PEX6: variants seen among roughly 807,000 people sequenced by gnomAD.
PEX6 encodes peroxisomal biogenesis factor 6.
In PEX6, 55 loss-of-function variants were observed where a neutral mutation model predicts 85.6. The ratio of observed to expected loss-of-function variants is 0.64; its 90% CI spans 0.52 to 0.80. PEX6 has a LOEUF of 0.80. Among genes scored for constraint, PEX6 ranks in the 30% least tolerant of loss-of-function variants. The pLI, the probability that PEX6 is intolerant of heterozygous loss-of-function variation, is 0.00. For missense variants in PEX6, 1,099 were observed against 1,260.3 expected (o/e 0.87, Z 1.94); for synonymous variants, 519 against 549.1 (o/e 0.95, Z 0.77).
In PEX6 at chr6:42,965,367, C is replaced by T; in HGVS notation, c.2473G>A (p.Val825Met). The T allele has an allele frequency of 6.2e-7, 1 of 1,610,992 alleles. No homozygotes were observed. Among genetic ancestry groups the T allele is most frequent in the Non-Finnish European group, 8.5e-7 (1 of 1,177,480 alleles). The part of the protein sequence containing the change: ...SGDSGGVMDR[V>M]VSQLLAELDG... The stretch of plus-strand genomic sequence containing the variant: ...AGCTCGGCAAGGAGCTGAGACACCA[C>T]CCTGGAGAGAAGGGAGCAAGGGCAA... The change falls in exon 14 of 17, where the codon GTG (valine) becomes ATG (methionine). Residue 825 changes from valine (V) to methionine (M), a missense_variant and splice_region_variant. This residue lies in a region of PEX6 where 514 missense variants were observed against 627.0 expected (regional missense o/e 0.82). Coordinates refer to ENST00000304611, the MANE Select transcript of PEX6 (RefSeq NM_000287.4). This position sits in a 1 kb window ranked among gnomAD's most constrained non-coding sequence, Gnocchi z 5.0.
At chr6:42,967,691 G>A in intron 7 of PEX6, 128 bp from the exon 8 acceptor site, 2 of 748,644 alleles carry the variant, frequency 2.7e-6, no homozygotes, top group Non-Finnish European at 4.5e-6. Context: ...AGGGAGATGA[G>A]CATCTACCCC....
At position 42,971,819 on chromosome 6, in the gene PEX6, G is replaced by A. The variant is rs1164465262; in HGVS notation, c.1131-1832C>T. ...GAACTGGCTTGCCAGCCTGTCTCAT[G>A]AGGTTCTAGTGCCTATTTTCCTTTG... On this transcript the variant is annotated intron_variant, in intron 3 of 16. Transcript: ENST00000304611. The surrounding 1 kb of genome is among the most constrained non-coding windows in gnomAD (Gnocchi z 4.4). 6.6e-6 allele frequency among the ~76,000 whole-genome samples: 1 copy of A among 152,260 alleles called. No individual in the cohort carries two copies. Among genetic ancestry groups the A allele is most frequent in the Non-Finnish European group, 1.5e-5 (1 of 68,050 alleles).
rs1373119708 is a variant in PEX6, at chr6:42,964,313, G to C, written c.*22C>G. 1 of 1,613,064 alleles carries C rather than the reference G, an allele frequency of 6.2e-7. No homozygotes were observed. The highest frequency in any genetic ancestry group is 2.2e-5 in the East Asian group (1 of 44,876). On this transcript the variant is annotated 3_prime_UTR_variant, in exon 17 of 17. Coordinates refer to ENST00000304611, the MANE Select transcript of PEX6 (RefSeq NM_000287.4). This position sits in a 1 kb window ranked among gnomAD's most constrained non-coding sequence, Gnocchi z 4.6. ...AGGTACCTGCAGCCATGCTGAGCGGGGTCCCAGACCCTGGGGGGCTCCTAG... is the reference window on the plus strand; with the variant it reads ...AGGTACCTGCAGCCATGCTGAGCGGCGTCCCAGACCCTGGGGGGCTCCTAG...
In PEX6 at chr6:42,978,707, C is replaced by T. The variant is rs1022934488; in HGVS notation, c.444G>A (p.Leu148=). ...CAGCCAGCCGAGTCCCTGGGCCCAG[C>T]AGCCCTTGCAACGCCGGCCGCGTCT... The part of the protein sequence containing the change: ...VLETRPALQG[L]LGPGTRLAVT... The change falls in exon 1 of 17, where the codon CTG becomes CTA. Residue 148 remains leucine (L), a synonymous_variant. Transcript: ENST00000304611. 2.6e-6 allele frequency: 4 copies of T among 1,544,280 alleles called. No individual in the cohort carries two copies. The highest frequency in any genetic ancestry group is 3.9e-5 in the Admixed American group (2 of 51,464).
In PEX6 at chr6:42,963,937, C is replaced by T. The variant is rs1769603427; in HGVS notation, c.*398G>A. On this transcript the variant is annotated 3_prime_UTR_variant, in exon 17 of 17. Transcript: ENST00000304611. ...GGCTCCCATGCTGCCCACCCCCCCA[C>T]CCTCTCCCAGGGCTTACTCCTCCCA... 1.6e-6 allele frequency: 1 copy of T among 613,026 alleles called. No individual in the cohort carries two copies. The highest frequency in any genetic ancestry group is 3.0e-6 in the Non-Finnish European group (1 of 338,072). 38.0% of individuals were successfully genotyped at this position (613,026 alleles called of 1,614,324 possible).
At chr6:42,978,063 T>A (rs1770378985) in intron 1 of PEX6, among the ~76,000 whole-genome samples, 1 of 151,936 alleles carries the variant, frequency 6.6e-6, no homozygotes, top group Admixed American at 6.6e-5. Context: ...CAGGCTGGTC[T>A]CGAACTCCCG....
chr6:42,966,665 G>C lies in PEX6; in HGVS notation c.1962-8C>G, dbSNP rs959360213. 1 of 1,614,138 alleles carries C rather than the reference G, an allele frequency of 6.2e-7. No homozygotes were observed. The highest frequency in any genetic ancestry group is 1.1e-5 in the South Asian group (1 of 91,078). On this transcript the variant is annotated splice_region_variant and splice_polypyrimidine_tract_variant and intron_variant, in intron 9 of 16. Coordinates refer to ENST00000304611, the MANE Select transcript of PEX6 (RefSeq NM_000287.4). ...GTCAAGCCACCTGCCAAACTGCAAA[G>C]AGGAACACAGGGAAGCCTCCTCACC...
chr6:42,977,021 G>A (rs1017217172), intron 1 of PEX6, among the ~76,000 whole-genome samples: 1 of 152,160 alleles, frequency 6.6e-6, no homozygotes, highest in African/African-American at 2.4e-5. Flanking sequence ...GTGAGATCAT[G>A]AAAGGCTTTG....
Position 42,964,135 on chromosome 6 carries a change from G to A in PEX6, c.*200C>T, listed in dbSNP as rs1561818203. On this transcript the variant is annotated 3_prime_UTR_variant, in exon 17 of 17. Transcript: ENST00000304611. The surrounding 1 kb of genome is among the most constrained non-coding windows in gnomAD (Gnocchi z 4.6). The stretch of plus-strand genomic sequence containing the variant: ...TTCTCTTAGAGCCGGCCTGGAAGGA[G>A]GGGCAAGTAGGCAGGAGATATCTCT... 1.6e-6 allele frequency: 1 copy of A among 622,158 alleles called. No homozygotes were observed. The allele number at this position is 622,158 out of a possible 1,614,324, so 38.5% of individuals were successfully genotyped here.
rs1769826650 is a variant in PEX6, at chr6:42,966,798, T to C, written c.1945A>G (p.Arg649Gly). 1 of 1,613,886 alleles carries C rather than the reference T, an allele frequency of 6.2e-7. No homozygotes were observed. The highest frequency in any genetic ancestry group is 1.7e-5 in the Admixed American group (1 of 59,974). Residue 649 changes from arginine (R) to glycine (G), a missense_variant, in exon 9 of 17, where the codon AGG becomes GGG. Physicochemically the swap from Arg to Gly is moderately radical, Grantham distance 125. This residue lies in a region of PEX6 where 514 missense variants were observed against 627.0 expected (regional missense o/e 0.82). Coordinates refer to ENST00000304611, the MANE Select transcript of PEX6 (RefSeq NM_000287.4). ...TCCTCTTACCCTGAGTTCTTGATCCTGGTGCAGGCTGCCCGGCTGCTGTGG... is the reference window on the plus strand; with the variant it reads ...TCCTCTTACCCTGAGTTCTTGATCCCGGTGCAGGCTGCCCGGCTGCTGTGG... ...LTHSSRAACT[R>G]IKNSGLAGGL...
rs1353593187 is a variant in PEX6, at chr6:42,978,915, GC to G, written c.235del (p.Ala79ArgfsTer25). The G allele has an allele frequency of 6.7e-7, 1 of 1,488,102 alleles. No homozygotes were observed. The highest frequency in any genetic ancestry group is 8.9e-7 in the Non-Finnish European group (1 of 1,127,620). The allele number at this position is 1,488,102 out of a possible 1,614,324, so 92.2% of individuals were successfully genotyped here. ...PGPPQLLVSR[A>X]LLRLLALGSG... ...GCCCAGTGCCAGGAGCCGCAGCAGC[GC>G]GCGGCTAACCAGTAGCTGCGGCGGC... On this transcript the variant is annotated frameshift_variant, in exon 1 of 17. Transcript: ENST00000304611. LOFTEE classifies it high-confidence loss of function.
intron 3 of PEX6, among the ~76,000 whole-genome samples, chr6:42,972,520 C>T (rs1022378080): frequency 6.6e-6 from 1 of 152,140 alleles, no homozygotes; most frequent in Admixed American, 6.5e-5. Context: ...CCTGTAATCC[C>T]AGCACTTTGG....
At position 42,966,035 on chromosome 6, in the gene PEX6, C is replaced by G; in HGVS notation, c.2362+9G>C. The G allele has an allele frequency of 6.2e-7, 1 of 1,613,518 alleles. No individual in the cohort carries two copies. Among genetic ancestry groups the G allele is most frequent in the Non-Finnish European group, 8.5e-7 (1 of 1,179,914 alleles). The stretch of plus-strand genomic sequence containing the variant: ...GCATGGGACGCCCTGCCCCTCCCTG[C>G]TCACTCACCTTCCCGCACATTCTCC... On this transcript the variant is annotated intron_variant, in intron 12 of 16. Coordinates refer to ENST00000304611, the MANE Select transcript of PEX6 (RefSeq NM_000287.4).
At position 42,965,978 on chromosome 6, in the gene PEX6, G is replaced by T. The variant is rs970759920; in HGVS notation, c.2362+66C>A. ...ATGATCATGAGTAGCCTGGGAGTAG[G>T]GGGTGGCTTGGGGGCCATCGGGGTT... On this transcript the variant is annotated intron_variant, in intron 12 of 16. Coordinates refer to ENST00000304611, the MANE Select transcript of PEX6 (RefSeq NM_000287.4). This position sits in a 1 kb window ranked among gnomAD's most constrained non-coding sequence, Gnocchi z 5.0. 2 of 1,532,042 alleles carry T rather than the reference G, an allele frequency of 1.3e-6. No individual in the cohort carries two copies. The highest frequency in any genetic ancestry group is 1.8e-6 in the Non-Finnish European group (2 of 1,106,956). The allele number at this position is 1,532,042 out of a possible 1,614,324, so 94.9% of individuals were successfully genotyped here.
rs1769747612 is a variant in PEX6 at position 42,965,492 on chromosome 6, C to A, written c.2472-124G>T. The A allele has an allele frequency of 4.3e-6, 4 of 921,578 alleles. No individual in the cohort carries two copies. The highest frequency in any genetic ancestry group is 7.2e-6 in the Non-Finnish European group (4 of 553,950). 57.1% of individuals were successfully genotyped at this position (921,578 alleles called of 1,614,324 possible). ...TCCACTCAGCTGTGCCCAATGTGCC[C>A]CACCAGGTAGGCCCCCATTCTCCTC... On this transcript the variant is annotated intron_variant, in intron 13 of 16. Coordinates refer to ENST00000304611, the MANE Select transcript of PEX6 (RefSeq NM_000287.4). This position sits in a 1 kb window ranked among gnomAD's most constrained non-coding sequence, Gnocchi z 5.0.
chr6:42,964,749 C>G lies in PEX6; in HGVS notation c.2806+41G>C. The stretch of plus-strand genomic sequence containing the variant: ...GGACTCAGGTGCACCCAGCTCCCCA[C>G]TAGCTTTTTGGTTGACCTCTCAGAC... On this transcript the variant is annotated intron_variant, in intron 16 of 16. Transcript: ENST00000304611. This position sits in a 1 kb window ranked among gnomAD's most constrained non-coding sequence, Gnocchi z 4.6. 1 of 1,613,674 alleles carries G rather than the reference C, an allele frequency of 6.2e-7. No individual in the cohort carries two copies. Among genetic ancestry groups the G allele is most frequent in the East Asian group, 2.2e-5 (1 of 44,878 alleles).
chr6:42,966,478 T>A, intron 10 of PEX6, 31 bp from the exon 11 acceptor site: 1 of 1,614,150 alleles, frequency 6.2e-7, no homozygotes, highest in South Asian at 1.1e-5. Flanking sequence ...GGTTGGGATA[T>A]GCTCTTGGAG....
At chr6:42,976,110 T>A (rs1770288105) in intron 1 of PEX6, among the ~76,000 whole-genome samples, 1 of 151,908 alleles carries the variant, frequency 6.6e-6, no homozygotes, top group Non-Finnish European at 1.5e-5. Context: ...GCCAGGATGG[T>A]CTCAATCTCC....
chr6:42,975,000 T>A lies in PEX6; in HGVS notation c.921A>T (p.Gly307=), dbSNP rs1770229227. Residue 307 remains glycine (G), a synonymous_variant, in exon 2 of 17, where the codon GGA becomes GGT. Coordinates refer to ENST00000304611, the MANE Select transcript of PEX6 (RefSeq NM_000287.4). ...GAGGCCCAGGCAGCAATGAGCAGCT[T>A]CCTTTGTCTTCAGGGGCGATGGAGC... The part of the protein sequence containing the change: ...LEGSIAPEDK[G]SCSLLPGPPF... The A allele has an allele frequency of 6.2e-7, 1 of 1,613,598 alleles. No homozygotes were observed. Among genetic ancestry groups the A allele is most frequent in the Non-Finnish European group, 8.5e-7 (1 of 1,179,866 alleles).
Sources: allele counts gnomAD v4.1 joint callset (sites outside exome capture counted in the v4.1 genomes callset), GRCh38; gene constraint gnomAD v4.1.1; regional missense constraint gnomAD v4.1.1; non-coding constraint Gnocchi (gnomAD v3.1); transcripts MANE v1.5; gene names NCBI Gene and HGNC (gene_info 2026-07-23, HGNC 2026-07-21).